NSMCE2: variants seen among roughly 807,000 people sequenced by gnomAD.
NSMCE2 encodes the protein E3 SUMO-protein ligase NSE2.
In NSMCE2, 24 loss-of-function variants were observed where a neutral mutation model predicts 23.8. The ratio of observed to expected loss-of-function variants is 1.01; its 90% CI spans 0.73 to 1.42. The LOEUF is 1.42. Among genes scored for constraint, NSMCE2 ranks in the 40% most tolerant of loss-of-function variants. The probability of loss-of-function intolerance (pLI) is 0.00; values close to 1 mark genes in which losing one functional copy is unlikely to be tolerated. For missense variants in NSMCE2, 284 were observed against 296.5 expected, an observed-to-expected ratio of 0.96 and a Z score of 0.31; for synonymous variants, 92 against 94.1, an observed-to-expected ratio of 0.98 and a Z score of 0.13.
intron 5 of NSMCE2, among the ~76,000 whole-genome samples, chr8:125,356,132 C>T (rs1046541468): frequency 2.0e-5 from 3 of 151,858 alleles, no homozygotes; most frequent in African/African-American, 4.8e-5. Flanking sequence ...TGAATGCATA[C>T]GCAGATATCC....
intron 5 of NSMCE2, among the ~76,000 whole-genome samples, chr8:125,281,588 C>T (rs751856586): frequency 6.6e-5 from 10 of 151,956 alleles, no homozygotes; most frequent in East Asian, 1.9e-4. Context: ...TACAGGAGTG[C>T]GCCATCACAC....
At chr8:125,195,644 G>A (rs1823577631) in intron 5 of NSMCE2, among the ~76,000 whole-genome samples, 1 of 152,082 alleles carries the variant, frequency 6.6e-6, no homozygotes, top group Admixed American at 6.6e-5. Context: ...ATATGGCAGT[G>A]AACAAAATAG....
intron 5 of NSMCE2, among the ~76,000 whole-genome samples, chr8:125,341,562 T>A (rs555813266): frequency 6.6e-6 from 1 of 152,248 alleles, no homozygotes; most frequent in East Asian, 1.9e-4. Context: ...TGTTACTGCG[T>A]TGATTCATCT....
chr8:125,107,378 G>C (rs1485138831), intron 3 of NSMCE2, among the ~76,000 whole-genome samples: 3 of 151,938 alleles, frequency 2.0e-5, no homozygotes, highest in Non-Finnish European at 4.4e-5. Context: ...ATCTTTAGTG[G>C]AGACGGGGTT....
chr8:125,274,012 CT>C (rs1827337303), intron 5 of NSMCE2, among the ~76,000 whole-genome samples: 1 of 152,190 alleles, frequency 6.6e-6, no homozygotes, highest in Admixed American at 6.5e-5. Flanking sequence ...TTTAGCACCT[CT>C]TTTTGCAAGG....
Position 125,366,766 on chromosome 8 carries a change from A to C in NSMCE2, c.627-2A>C. ...TGACTTGATGTTCTTTCTTTCTCACAGTTGCCCTCAAATTGGCTGTAGCCA... is the reference window on the plus strand; with the variant it reads ...TGACTTGATGTTCTTTCTTTCTCACCGTTGCCCTCAAATTGGCTGTAGCCA... On this transcript the variant is annotated splice_acceptor_variant, in intron 7 of 7. Coordinates refer to ENST00000287437, the MANE Select transcript of NSMCE2 (RefSeq NM_173685.4). LOFTEE classifies it high-confidence loss of function. 1 of 1,571,762 alleles carries C rather than the reference A, an allele frequency of 6.4e-7. No homozygotes were observed.
At chr8:125,148,820 A>G (rs910173224) in intron 3 of NSMCE2, among the ~76,000 whole-genome samples, 2 of 152,254 alleles carry the variant, frequency 1.3e-5, no homozygotes, top group African/African-American at 2.4e-5. Flanking sequence ...AATAAATTAC[A>G]GGTTAACTAA....
intron 5 of NSMCE2, among the ~76,000 whole-genome samples, chr8:125,226,747 G>A (rs559450987): frequency 1.3e-5 from 2 of 152,280 alleles, no homozygotes; most frequent in South Asian, 4.1e-4. Flanking sequence ...AAGCAGGGAA[G>A]TAAGCATGAA....
chr8:125,260,428 A>G (rs935269470), intron 5 of NSMCE2, among the ~76,000 whole-genome samples: 4 of 151,670 alleles, frequency 2.6e-5, no homozygotes, highest in Non-Finnish European at 4.4e-5. Context: ...CACTGGGGCT[A>G]TATCTCTATA....
intron 5 of NSMCE2, among the ~76,000 whole-genome samples, chr8:125,320,982 G>A (rs1349453318): frequency 1.3e-5 from 2 of 152,182 alleles, no homozygotes; most frequent in Non-Finnish European, 2.9e-5. Context: ...GCAGGAGGAA[G>A]AGAGAGGGGC....
At chr8:125,184,337 A>C (rs1308401346) in intron 5 of NSMCE2, among the ~76,000 whole-genome samples, 1 of 151,824 alleles carries the variant, frequency 6.6e-6, no homozygotes, top group South Asian at 2.1e-4. Flanking sequence ...TGTTGAAATC[A>C]TGGCTATTAC....
intron 5 of NSMCE2, among the ~76,000 whole-genome samples, chr8:125,278,750 G>C (rs1381905954): frequency 6.6e-6 from 1 of 151,764 alleles, no homozygotes; most frequent in Non-Finnish European, 1.5e-5. Context: ...ATAAATTGCA[G>C]TCCCAGAAGC....
rs571166486 is a variant in NSMCE2, at chr8:125,208,232, G to T, written c.418+25976G>T. On this transcript the variant is annotated intron_variant, in intron 5 of 7. Transcript: ENST00000287437. ...CACTCTTCTGATTCATCTGTTTGATGAAAGACATGTTTGTTTATTCAGATA... is the reference window on the plus strand; with the variant it reads ...CACTCTTCTGATTCATCTGTTTGATTAAAGACATGTTTGTTTATTCAGATA... 2.6e-5 allele frequency among the ~76,000 whole-genome samples: 4 copies of T among 152,286 alleles called. No homozygotes were observed. The South Asian group carries it at 8.3e-4, about 32-fold the overall frequency.
At chr8:125,174,900 A>G (rs1239380757) in intron 4 of NSMCE2, among the ~76,000 whole-genome samples, 2 of 152,212 alleles carry the variant, frequency 1.3e-5, no homozygotes, top group East Asian at 3.8e-4. Flanking sequence ...TTGGTCCAAT[A>G]GAGTTCAGTG....
At chr8:125,104,833 T>A (rs1258199523) in intron 3 of NSMCE2, among the ~76,000 whole-genome samples, 1 of 152,110 alleles carries the variant, frequency 6.6e-6, no homozygotes. Flanking sequence ...GGTCAGGAGT[T>A]CCAGGCCAAC....
At chr8:125,337,884 C>CAAAAAAAAAAAAA (rs35658538) in intron 5 of NSMCE2, among the ~76,000 whole-genome samples, 2 of 97,374 alleles carry the variant, frequency 2.1e-5, no homozygotes, top group African/African-American at 4.0e-5. Flanking sequence ...AACTCTATCT[C>CAAAAAAAAAAAAA]AAAAAAAAAA....
At chr8:125,354,566 G>A (rs1271234506) in intron 5 of NSMCE2, among the ~76,000 whole-genome samples, 1 of 152,162 alleles carries the variant, frequency 6.6e-6, no homozygotes, top group Non-Finnish European at 1.5e-5. Context: ...TGAAAAGCTG[G>A]AAGCCCCGAG....
At chr8:125,258,395 G>A (rs556513541) in intron 5 of NSMCE2, among the ~76,000 whole-genome samples, 14 of 152,146 alleles carry the variant, frequency 9.2e-5, no homozygotes, top group Non-Finnish European at 1.9e-4. Flanking sequence ...TCTTATACTA[G>A]TAATCTGCAC....
chr8:125,118,300 C>A (rs967891597), intron 3 of NSMCE2, among the ~76,000 whole-genome samples: 1 of 152,136 alleles, frequency 6.6e-6, no homozygotes, highest in Non-Finnish European at 1.5e-5. Flanking sequence ...ATCACTTGAA[C>A]CTGCCAGGAG....
Sources: gnomAD v4.1 joint callset for allele counts (sites outside exome capture counted in the v4.1 genomes callset) on GRCh38, gnomAD v4.1.1 for gene constraint, MANE v1.5 for transcripts, NCBI Gene and HGNC (gene_info 2026-07-23, HGNC 2026-07-21) for gene names.